Variants in SVEP1 observed in about 807,000 individuals in gnomAD.
SVEP1 encodes sushi, von Willebrand factor type A, EGF and pentraxin domain containing 1.
A neutral mutation model predicts 367.3 loss-of-function variants in SVEP1; 164 were observed. The observed-to-expected ratio is 0.45, with a 90% confidence interval of 0.39 to 0.51. The LOEUF (loss-of-function observed/expected upper bound fraction) is 0.51. Ranked by LOEUF, SVEP1 falls within the 20% of genes least tolerant of loss-of-function variation. The probability of loss-of-function intolerance (pLI) is 0.00; values close to 1 mark genes in which losing one functional copy is unlikely to be tolerated. For synonymous variants in SVEP1, 1,666 were observed against 1,611.6 expected (o/e 1.03, Z -0.81); for missense variants, 4,117 against 4,425.3 (o/e 0.93, Z 1.98).
intron 18 of SVEP1, 119 bp downstream of exon 18, chr9:110,465,746 G>C: frequency 7.9e-7 from 1 of 1,261,772 alleles, no homozygotes; most frequent in African/African-American, 1.5e-5. Context: ...TTTATGAAGA[G>C]ACAGTTATTT....
In SVEP1 at chr9:110,549,864, G is replaced by T. The variant is rs141504422; in HGVS notation, c.772C>A (p.Arg258=). The T allele has an allele frequency of 6.2e-7, 1 of 1,613,736 alleles. No homozygotes were observed. The highest frequency in any genetic ancestry group is 1.3e-5 in the African/African-American group (1 of 75,010). The change falls in exon 2 of 48, where the codon CGG becomes AGG. Residue 258 remains arginine (R), a synonymous_variant. Coordinates refer to ENST00000374469, the MANE Select transcript of SVEP1 (RefSeq NM_153366.4). ...TTTCCATTACCTTCATGCAATGCCC[G>T]GCGAGCTAAAGCCTCAAATTCTTCA... ...SFEEFEALAR[R]ALHEDLPSGS... is the part of the protein sequence containing the mutation.
At chr9:110,557,613 T>G (rs1830371406) in intron 1 of SVEP1, among the ~76,000 whole-genome samples, 1 of 152,138 alleles carries the variant, frequency 6.6e-6, no homozygotes, top group Admixed American at 6.5e-5. Context: ...CAGATAGAGT[T>G]GTGGATTTTT....
intron 2 of SVEP1, among the ~76,000 whole-genome samples, chr9:110,548,746 C>G (rs1830248958): frequency 1.3e-5 from 2 of 152,180 alleles, no homozygotes; most frequent in South Asian, 4.1e-4. Flanking sequence ...CTTGCTGCTT[C>G]TAAGCCCTGT....
At chr9:110,504,961 T>C (rs1000939035) in intron 5 of SVEP1, among the ~76,000 whole-genome samples, 4 of 152,156 alleles carry the variant, frequency 2.6e-5, no homozygotes, top group African/African-American at 4.8e-5. Context: ...GCACAACTTG[T>C]GACATGGTTT....
At chr9:110,434,585 T>C (rs1828403442) in intron 29 of SVEP1, 79 bp from the exon 30 acceptor site, 1 of 1,415,674 alleles carries the variant, frequency 7.1e-7, no homozygotes, top group African/African-American at 1.4e-5. Flanking sequence ...TCAAACTGTA[T>C]TCTGTATCAG....
intron 36 of SVEP1, 106 bp downstream of exon 36, chr9:110,427,485 G>C (rs555578786): frequency 1.0e-4 from 141 of 1,344,956 alleles, no homozygotes; most frequent in Non-Finnish European, 1.3e-4. Flanking sequence ...CTTTGTCTTT[G>C]GCTGCCAGGA....
chr9:110,416,246 A>G (rs1588043619), intron 36 of SVEP1, among the ~76,000 whole-genome samples: 2 of 152,144 alleles, frequency 1.3e-5, no homozygotes, highest in South Asian at 2.1e-4. Context: ...AATATAAAAA[A>G]TAGTATGAAA....
intron 1 of SVEP1, among the ~76,000 whole-genome samples, chr9:110,557,147 G>T (rs1382936281): frequency 6.6e-6 from 1 of 152,152 alleles, no homozygotes; most frequent in Non-Finnish European, 1.5e-5. Context: ...TATGGGAAAA[G>T]AATCTATTCT....
chr9:110,541,789 A>C (rs987606876), intron 3 of SVEP1, among the ~76,000 whole-genome samples: 1 of 144,232 alleles, frequency 6.9e-6, no homozygotes, highest in African/African-American at 2.5e-5. Context: ...CTATATACAT[A>C]GATATCTATA....
chr9:110,382,064 T>C (rs555938301), intron 43 of SVEP1, among the ~76,000 whole-genome samples: 1 of 152,144 alleles, frequency 6.6e-6, no homozygotes, highest in Admixed American at 6.6e-5. Context: ...AGTGGGGCAT[T>C]TAGCTCATTT....
chr9:110,564,714 G>A (rs1830468716), intron 1 of SVEP1, among the ~76,000 whole-genome samples: 2 of 151,886 alleles, frequency 1.3e-5, no homozygotes, highest in South Asian at 2.1e-4. Context: ...CCAGGATGGA[G>A]CAAAATATTC....
intron 4 of SVEP1, 53 bp from the exon 5 acceptor site, chr9:110,513,158 C>A: frequency 6.8e-7 from 1 of 1,473,440 alleles, no homozygotes; most frequent in Non-Finnish European, 9.1e-7. Flanking sequence ...TTGTCTATGA[C>A]ATATCCTTTT....
intron 3 of SVEP1, among the ~76,000 whole-genome samples, chr9:110,525,680 T>A (rs1829931162): frequency 6.6e-6 from 1 of 152,032 alleles, no homozygotes; most frequent in South Asian, 2.1e-4. Context: ...TATACAGCTA[T>A]AATAATCAAG....
Position 110,530,994 on chromosome 9 carries a change from T to C in SVEP1, c.964+15121A>G, listed in dbSNP as rs1889328. On this transcript the variant is annotated intron_variant, in intron 3 of 47. Transcript: ENST00000374469. ...TTTTAAAAAGTGTAATGTTTCTCCA[T>C]AACAAATTTTATTGATTTTAAACTA... is the stretch of plus-strand genomic sequence containing the variant. Among the ~76,000 whole-genome samples the C allele has an allele frequency of 4.7e-3, 713 of 152,302 alleles. 4 individuals carry two copies. The highest frequency in any genetic ancestry group is 0.016 in the African/African-American group (664 of 41,588).
chr9:110,457,212 T>C (rs1242914815), intron 21 of SVEP1, 44 bp downstream of exon 21: 1 of 1,449,898 alleles, frequency 6.9e-7, no homozygotes, highest in Non-Finnish European at 9.4e-7. Context: ...CATAATGATT[T>C]CATATAAAAT....
At chr9:110,381,016 T>C (rs1305896636) in intron 43 of SVEP1, among the ~76,000 whole-genome samples, 3 of 152,346 alleles carry the variant, frequency 2.0e-5, no homozygotes, top group East Asian at 1.9e-4. Context: ...GAAGTGTTTA[T>C]AGTATTCTCT....
At chr9:110,509,397 T>C (rs1829675048) in intron 5 of SVEP1, among the ~76,000 whole-genome samples, 1 of 152,256 alleles carries the variant, frequency 6.6e-6, no homozygotes, top group Non-Finnish European at 1.5e-5. Context: ...CAACTTTGTA[T>C]ACTGGTAAGT....
Position 110,481,285 on chromosome 9 carries a change from G to A in SVEP1, c.2322C>T (p.Gly774=), listed in dbSNP as rs759880990. 14 of 1,603,412 alleles carry A rather than the reference G, an allele frequency of 8.7e-6. No individual in the cohort carries two copies. Among genetic ancestry groups the A allele is most frequent in the African/African-American group, 2.7e-5 (2 of 74,634 alleles). The change falls in exon 12 of 48, where the codon GGC becomes GGT. Residue 774 remains glycine (G), a synonymous_variant. Transcript: ENST00000374469. ...CAGTGGTATATGTTGGTTTCCAGAC[G>A]CCATCTTCATAAGCACAATAATACT... ...TDKYYCAYED[G]VWKPTYTTEW...
At chr9:110,461,660 G>A (rs539120396) in intron 18 of SVEP1, among the ~76,000 whole-genome samples, 1 of 152,072 alleles carries the variant, frequency 6.6e-6, no homozygotes, top group African/African-American at 2.4e-5. Flanking sequence ...AACAAAAATA[G>A]CCAAATTTTT....
Sources: gnomAD v4.1 joint callset for allele counts (sites outside exome capture counted in the v4.1 genomes callset) on GRCh38, gnomAD v4.1.1 for gene constraint, MANE v1.5 for transcripts, NCBI Gene and HGNC (gene_info 2026-07-23, HGNC 2026-07-21) for gene names.